The following AAMDC variants were observed in gnomAD, a reference collection of about 807,000 sequenced individuals.
AAMDC encodes adipogenesis associated Mth938 domain containing.
A neutral mutation model predicts 15.5 loss-of-function variants in AAMDC; 16 were observed. The observed-to-expected ratio is 1.03, with a 90% CI of 0.70 to 1.57. AAMDC has a LOEUF of 1.57. Ranked by LOEUF, AAMDC falls within the 40% of genes most tolerant of loss-of-function variation. The pLI is 0.00. For synonymous variants in AAMDC, 51 were observed against 51.6 expected (o/e 0.99, Z 0.05); for missense variants, 141 against 144.9 (o/e 0.97, Z 0.14).
intron 5 of AAMDC, among the ~76,000 whole-genome samples, chr11:77,892,246 A>G (rs946960803): frequency 6.6e-6 from 1 of 152,218 alleles, no homozygotes; most frequent in African/African-American, 2.4e-5. Context: ...GATTGCTTCA[A>G]TGGAGCTTAC....
chr11:77,897,231 C>T (rs1410774635), intron 5 of AAMDC, among the ~76,000 whole-genome samples: 3 of 151,650 alleles, frequency 2.0e-5, no homozygotes, highest in South Asian at 2.1e-4. Context: ...TGGTGGCTCA[C>T]GTCTGTAATC....
In AAMDC at chr11:77,821,151, G is replaced by A. The variant is rs1948876862; in HGVS notation, c.-109G>A. 5.0e-6 allele frequency: 2 copies of A among 397,218 alleles called. No individual in the cohort carries two copies. The highest frequency in any genetic ancestry group is 9.0e-6 in the Non-Finnish European group (2 of 223,286). 24.6% of individuals were successfully genotyped at this position (397,218 alleles called of 1,614,324 possible). ...GGCGTATTCCCGGAGGGCAGTTGGG[G>A]AGCGCAGATCCCGAAGCAGCGCTGG... On this transcript the variant is annotated 5_prime_UTR_variant, in exon 1 of 4. Transcript: ENST00000393427.
At chr11:77,856,273 T>C (rs1458650016) in intron 2 of AAMDC, among the ~76,000 whole-genome samples, 4 of 152,200 alleles carry the variant, frequency 2.6e-5, no homozygotes. Context: ...AAGTTCCTCA[T>C]CTCCGAGACC....
intron 3 of AAMDC, among the ~76,000 whole-genome samples, chr11:77,905,810 T>A (rs1478052356): frequency 6.6e-6 from 1 of 152,218 alleles, no homozygotes; most frequent in Non-Finnish European, 1.5e-5. Flanking sequence ...ACCAAAGTGA[T>A]ATGCATTTAT....
chr11:77,878,962 G>A lies in AAMDC; in HGVS notation c.328+1913G>A, dbSNP rs751824347. On this transcript the variant is annotated intron_variant, in intron 5 of 5. Coordinates refer to the AAMDC transcript ENST00000304716. ...ACTGTTTTTGCCTTAGCGCCGTGCA[G>A]GTTTGGGCATTATATAAACTTTTAC... 6.2e-6 allele frequency: 10 copies of A among 1,613,822 alleles called. No homozygotes were observed. The Admixed American group carries it at 1.5e-4, about 24-fold the overall frequency.
intron 5 of AAMDC, chr11:77,884,889 G>T: frequency 3.9e-6 from 1 of 258,224 alleles, no homozygotes; most frequent in South Asian, 3.9e-5. Context: ...TGAGGAGTGG[G>T]GATTACAGGC....
At position 77,842,561 on chromosome 11, in the gene AAMDC, C is replaced by A. The variant is rs149253078; in HGVS notation, c.65C>A (p.Thr22Asn). The A allele has an allele frequency of 6.2e-7, 1 of 1,614,026 alleles. No homozygotes were observed. The highest frequency in any genetic ancestry group is 8.5e-7 in the Non-Finnish European group (1 of 1,179,982). Reference sequence around the variant, plus strand: ...ATGAAAGTAAAAGGCTCTAATACAACCTATAAGGACTGCAAAGTATGGCCA... The same window carrying A: ...ATGAAAGTAAAAGGCTCTAATACAAACTATAAGGACTGCAAAGTATGGCCA... ...GQMKVKGSNT[T>N]YKDCKVWPGG... The change falls in exon 2 of 4, where the codon ACC (threonine) becomes AAC (asparagine). Residue 22 changes from threonine (T) to asparagine (N), a missense_variant. Physicochemically the swap from Thr to Asn is moderately conservative, Grantham distance 65 (BLOSUM62 0). Transcript: ENST00000393427.
At chr11:77,847,841 C>T (rs556671525) in intron 2 of AAMDC, among the ~76,000 whole-genome samples, 8 of 152,202 alleles carry the variant, frequency 5.3e-5, no homozygotes, top group South Asian at 4.1e-4. Context: ...TTGACTTGTC[C>T]GTGATCTGCT....
intron 2 of AAMDC, chr11:77,869,312 C>CTTTTT (rs1209578429): frequency 3.2e-5 from 4 of 126,968 alleles, no homozygotes; most frequent in African/African-American, 6.1e-5. Flanking sequence ...ATCTCTTTTT[C>CTTTTT]TTTTTTTTTT....
At chr11:77,864,770 G>A (rs957381508) in intron 2 of AAMDC, among the ~76,000 whole-genome samples, 2 of 152,052 alleles carry the variant, frequency 1.3e-5, no homozygotes, top group African/African-American at 4.8e-5. Flanking sequence ...TTTGAGCCTA[G>A]GAGTTCAAGA....
At chr11:77,852,238 AAAAG>A (rs1270031227) in intron 2 of AAMDC, among the ~76,000 whole-genome samples, 2 of 149,320 alleles carry the variant, frequency 1.3e-5, no homozygotes, top group Admixed American at 6.7e-5. Flanking sequence ...AAAAAAAAAA[AAAAG>A]AAGAAGAAGA....
chr11:77,858,052 AG>A (rs552758892), intron 2 of AAMDC, among the ~76,000 whole-genome samples: 2 of 151,320 alleles, frequency 1.3e-5, no homozygotes, highest in Non-Finnish European at 2.9e-5. Flanking sequence ...TGTCCCTCAC[AG>A]GGTGACCCAG....
intron 2 of AAMDC, among the ~76,000 whole-genome samples, chr11:77,863,849 C>A (rs1381144687): frequency 6.6e-6 from 1 of 152,070 alleles, no homozygotes; most frequent in Non-Finnish European, 1.5e-5. Flanking sequence ...ATATGGTGGA[C>A]TTGAATCTTA....
downstream of AAMDC, chr11:77,901,564 G>C: frequency 6.3e-7 from 1 of 1,578,378 alleles, no homozygotes; most frequent in South Asian, 1.1e-5. Context: ...ATAAAGGAAA[G>C]ATAATTAACA....
intron 3 of AAMDC, among the ~76,000 whole-genome samples, chr11:77,871,658 G>A (rs571345596): frequency 1.3e-5 from 2 of 152,282 alleles, no homozygotes; most frequent in Non-Finnish European, 1.5e-5. Context: ...AATTGGGGCT[G>A]GGAGACTTTA....
intron 3 of AAMDC, 164 bp downstream of exon 3, chr11:77,869,981 T>C (rs912540082): frequency 1.6e-5 from 9 of 576,304 alleles, no homozygotes; most frequent in South Asian, 4.4e-5. Flanking sequence ...CTCATCAGCG[T>C]TGGGCTCTCC....
rs1367856397 is a variant in AAMDC, at chr11:77,849,406, G to T, written c.132+6778G>T. Among the ~76,000 whole-genome samples the T allele has an allele frequency of 4.6e-5, 7 of 151,936 alleles. No homozygotes were observed. The East Asian group carries it at 9.7e-4, about 21-fold the overall frequency. The stretch of plus-strand genomic sequence containing the variant: ...CCGGCTAATTTCTTTTGTATTTTTA[G>T]TAAAGATGGCTTTCACCATGTTGGC... On this transcript the variant is annotated intron_variant, in intron 2 of 3. Coordinates refer to ENST00000393427, the MANE Select transcript of AAMDC (RefSeq NM_024684.4).
At chr11:77,862,454 C>T (rs183927932) in intron 2 of AAMDC, among the ~76,000 whole-genome samples, 8 of 152,120 alleles carry the variant, frequency 5.3e-5, no homozygotes, top group African/African-American at 1.4e-4. Context: ...GAAAAAGGTA[C>T]GTGTACTCTG....
intron 5 of AAMDC, among the ~76,000 whole-genome samples, chr11:77,896,224 GA>G (rs1045591764): frequency 1.9e-4 from 28 of 149,856 alleles, no homozygotes; most frequent in African/African-American, 6.9e-4. Context: ...AAACTATACA[GA>G]AAAAAAAGGA....
Sources: gnomAD v4.1 joint callset for allele counts (sites outside exome capture counted in the v4.1 genomes callset) on GRCh38, gnomAD v4.1.1 for gene constraint, MANE v1.5 for transcripts, NCBI Gene and HGNC (gene_info 2026-07-23, HGNC 2026-07-21) for gene names.